The following BIRC6 variants were observed in gnomAD, a reference collection of about 807,000 sequenced individuals.
BIRC6 encodes the protein dual E2 ubiquitin-conjugating enzyme/E3 ubiquitin-protein ligase BIRC6.
Under a neutral mutation model 503.3 loss-of-function variants are expected in BIRC6, and 98 were observed. The observed-to-expected ratio is 0.19, with a 90% CI of 0.17 to 0.23. BIRC6 has a LOEUF of 0.23. Ranked by LOEUF, BIRC6 falls within the 10% of genes least tolerant of loss-of-function variation. The pLI, the probability that BIRC6 is intolerant of heterozygous loss-of-function variation, is 1.00. For synonymous variants in BIRC6, 2,240 were observed against 2,078.7 expected, an observed-to-expected ratio of 1.08 and a Z score of -2.11; for missense variants, 5,360 against 5,806.0, an observed-to-expected ratio of 0.92 and a Z score of 2.50.
intron 57 of BIRC6, among the ~76,000 whole-genome samples, chr2:32,524,534 A>T: frequency 6.6e-6 from 1 of 152,138 alleles, no homozygotes; most frequent in South Asian, 2.1e-4. Context: ...TGTTGCGAGG[A>T]CTGAATTAGA....
chr2:32,430,625 G>A (rs1362214730), intron 11 of BIRC6, among the ~76,000 whole-genome samples: 1 of 151,980 alleles, frequency 6.6e-6, no homozygotes, highest in Non-Finnish European at 1.5e-5. Context: ...CTTCAATAGC[G>A]AGTATTGTCT....
intron 61 of BIRC6, among the ~76,000 whole-genome samples, chr2:32,541,797 A>G (rs189657631): frequency 6.6e-6 from 1 of 152,226 alleles, no homozygotes; most frequent in East Asian, 1.9e-4. Context: ...TAAATTATAG[A>G]CATGATGCTC....
chr2:32,370,099 CA>C lies in BIRC6; in HGVS notation c.326-7487del, dbSNP rs544022117. ...ACACACACAGCACGCACGGGTGTGCCAAGTTCAGCATCCTAAAGGAATAATA... is the reference window on the plus strand; with the variant it reads ...ACACACACAGCACGCACGGGTGTGCCAGTTCAGCATCCTAAAGGAATAATA... On this transcript the variant is annotated intron_variant, in intron 1 of 73. Transcript: ENST00000421745. 8.0e-3 allele frequency among the ~76,000 whole-genome samples: 1,200 copies of C among 149,172 alleles called. 8 individuals carry two copies. Among genetic ancestry groups the C allele is most frequent in the Middle Eastern group, 0.021 (6 of 284 alleles).
At chr2:32,541,688 T>G (rs1173938135) in intron 61 of BIRC6, among the ~76,000 whole-genome samples, 1 of 152,138 alleles carries the variant, frequency 6.6e-6, no homozygotes, top group East Asian at 1.9e-4. Context: ...AGTGCATTAT[T>G]CATGGTCAAG....
chr2:32,560,311 A>G (rs1416513007), intron 65 of BIRC6, among the ~76,000 whole-genome samples: 1 of 152,076 alleles, frequency 6.6e-6, no homozygotes, highest in Non-Finnish European at 1.5e-5. Flanking sequence ...TATCTCTCAC[A>G]TTTTTTGGAC....
At chr2:32,605,773 G>A (rs1353299023) in intron 71 of BIRC6, among the ~76,000 whole-genome samples, 1 of 152,136 alleles carries the variant, frequency 6.6e-6, no homozygotes, top group African/African-American at 2.4e-5. Flanking sequence ...CAGAAGAATT[G>A]CTTGAACCCG....
chr2:32,481,164 C>T (rs1017463556), intron 37 of BIRC6, among the ~76,000 whole-genome samples, 156 bp from the exon 38 acceptor site: 5 of 150,868 alleles, frequency 3.3e-5, no homozygotes, highest in Non-Finnish European at 7.4e-5. Flanking sequence ...TTGTTTTTAT[C>T]GTGTATTATG....
At chr2:32,490,246 C>A in intron 43 of BIRC6, 95 bp downstream of exon 43, 2 of 1,126,712 alleles carry the variant, frequency 1.8e-6, no homozygotes, top group Non-Finnish European at 2.6e-6. Context: ...GAGTGGTATA[C>A]TTGTCAAAGT....
rs750464744 is a variant in BIRC6, at chr2:32,525,490, G to A, written c.11782G>A (p.Val3928Met). The A allele has an allele frequency of 1.9e-6, 3 of 1,613,846 alleles. No homozygotes were observed. In the East Asian group the frequency reaches 6.7e-5, roughly 36 times the overall value. Reference protein sequence around the residue: ...SGLKSQSKRAVSATPPRPPSR... With the variant: ...SGLKSQSKRAMSATPPRPPSR... Reference sequence around the variant, plus strand: ...GCTGAAGTCTCAATCTAAACGTGCTGTGTCAGCTACACCACCTCGCCCACC... The same window carrying A: ...GCTGAAGTCTCAATCTAAACGTGCTATGTCAGCTACACCACCTCGCCCACC... The change falls in exon 59 of 74, where the codon GTG becomes ATG. Residue 3928 changes from valine to methionine, a missense_variant. Val to Met is a conservative substitution (Grantham distance 21). Around this residue, in one of 16 missense-constraint regions of BIRC6, gnomAD observed 878 missense variants for 928.9 expected, o/e 0.95. Transcript: ENST00000421745.
In BIRC6 at chr2:32,463,062, C is replaced by T; in HGVS notation, c.4754-132C>T. On this transcript the variant is annotated intron_variant, in intron 23 of 73. Transcript: ENST00000421745. The stretch of plus-strand genomic sequence containing the variant: ...TTCCTTATTTATACTTTCCAGATTT[C>T]TTTTTTAGAATGAAAATTAACTATA... The T allele has an allele frequency of 2.0e-5, 12 of 607,290 alleles. No individual in the cohort carries two copies. In the South Asian group the frequency reaches 2.1e-4, roughly 11 times the overall value. The allele number at this position is 607,290 out of a possible 1,614,324, so 37.6% of individuals were successfully genotyped here. A position where few individuals can be genotyped will look rare whatever the true frequency, so the allele number is the denominator to read the frequency against.
chr2:32,405,107 C>A (rs931397529), intron 8 of BIRC6, among the ~76,000 whole-genome samples: 1 of 152,180 alleles, frequency 6.6e-6, no homozygotes, highest in African/African-American at 2.4e-5. Context: ...CTTAGTACAG[C>A]AGGTTAATAC....
At chr2:32,426,526 C>T (rs2043512096) in intron 10 of BIRC6, among the ~76,000 whole-genome samples, 2 of 152,258 alleles carry the variant, frequency 1.3e-5, no homozygotes, top group Non-Finnish European at 2.9e-5. Context: ...ATCACTTGAA[C>T]CCAGGAGGCG....
At chr2:32,498,476 G>C (rs1263303682) in intron 45 of BIRC6, among the ~76,000 whole-genome samples, 2 of 152,160 alleles carry the variant, frequency 1.3e-5, no homozygotes, top group Non-Finnish European at 2.9e-5. Context: ...TGTAGTTTCA[G>C]TTCCTTTCTT....
At chr2:32,449,458 A>T (rs1390085410) in intron 22 of BIRC6, among the ~76,000 whole-genome samples, 1 of 152,152 alleles carries the variant, frequency 6.6e-6, no homozygotes, top group African/African-American at 2.4e-5. Flanking sequence ...GCATGACACT[A>T]TTTTTATAAT....
At chr2:32,369,945 AATATATATAT>A (rs67839399) in intron 1 of BIRC6, among the ~76,000 whole-genome samples, 98 of 44,192 alleles carry the variant, frequency 2.2e-3, no homozygotes, top group African/African-American at 8.1e-3. Flanking sequence ...AAAAAAAAAA[AATATATATAT>A]ATATATATAT....
chr2:32,581,095 C>G (rs546682017), intron 66 of BIRC6, among the ~76,000 whole-genome samples: 2 of 152,092 alleles, frequency 1.3e-5, no homozygotes, highest in African/African-American at 4.8e-5. Context: ...AGCTATGATC[C>G]GTCGATTGAT....
At chr2:32,597,601 G>C (rs2061758080) in intron 68 of BIRC6, 150 bp from the exon 69 acceptor site, 7 of 627,664 alleles carry the variant, frequency 1.1e-5, no homozygotes, top group Admixed American at 2.7e-5. Flanking sequence ...CTAATATATA[G>C]GTGTTATGTA....
chr2:32,375,011 G>A (rs1261937617), intron 1 of BIRC6, among the ~76,000 whole-genome samples: 2 of 152,132 alleles, frequency 1.3e-5, no homozygotes, highest in Non-Finnish European at 2.9e-5. Context: ...TATTATTTAG[G>A]CTTTTGATTT....
intron 10 of BIRC6, 115 bp from the exon 11 acceptor site, chr2:32,429,031 A>G: frequency 1.1e-6 from 1 of 901,286 alleles, no homozygotes; most frequent in Non-Finnish European, 1.6e-6. Flanking sequence ...TCACATTGGT[A>G]GCTTTCCTTA....
Sources: gnomAD v4.1 joint callset for allele counts (sites outside exome capture counted in the v4.1 genomes callset) on GRCh38, gnomAD v4.1.1 for gene constraint, gnomAD v4.1.1 regional missense constraint, MANE v1.5 for transcripts, NCBI Gene and HGNC (gene_info 2026-07-23, HGNC 2026-07-21) for gene names.